GXYLT1: variants seen among roughly 807,000 people sequenced by gnomAD.
GXYLT1 encodes glucoside xylosyltransferase 1.
Under a neutral mutation model 54.0 loss-of-function variants are expected in GXYLT1, and 29 were observed. The observed-to-expected ratio is 0.54, with a 90% CI of 0.40 to 0.73. The LOEUF is 0.73. Among genes scored for constraint, GXYLT1 ranks in the 30% least tolerant of loss-of-function variants. GXYLT1 has a pLI of 0.00. For missense variants in GXYLT1, 490 were observed against 553.4 expected, an observed-to-expected ratio of 0.89 and a Z score of 1.15; for synonymous variants, 176 against 204.1, an observed-to-expected ratio of 0.86 and a Z score of 1.17.
chr12:42,116,574 C>A lies in GXYLT1; in HGVS notation c.486+2426G>T, dbSNP rs10880249. On this transcript the variant is annotated intron_variant, in intron 3 of 7. Coordinates refer to ENST00000398675, the MANE Select transcript of GXYLT1 (RefSeq NM_173601.2). ...AGAGAAATGCAAATCAAAACCACAACGAGATACCATCTCACACCAGTTAGA... is the reference window on the plus strand; with the variant it reads ...AGAGAAATGCAAATCAAAACCACAAAGAGATACCATCTCACACCAGTTAGA... Among the ~76,000 whole-genome samples the A allele has an allele frequency of 4.8e-3, 736 of 152,202 alleles. 29 individuals are homozygous for A. In the East Asian group the frequency reaches 0.075, roughly 16 times the overall value.
chr12:42,133,631 A>G lies in GXYLT1; in HGVS notation c.222-3780T>C, dbSNP rs571378981. 3.3e-5 allele frequency among the ~76,000 whole-genome samples: 5 copies of G among 152,326 alleles called. No homozygotes were observed. In the East Asian group the frequency reaches 7.7e-4, roughly 23 times the overall value. Reference sequence around the variant, plus strand: ...GTTCCTCCCCAACTCACAGAAAACTAGCATCCGGTTCACAGTCCTCGTCTC... The same window carrying G: ...GTTCCTCCCCAACTCACAGAAAACTGGCATCCGGTTCACAGTCCTCGTCTC... On this transcript the variant is annotated intron_variant, in intron 1 of 7. Coordinates refer to ENST00000398675, the MANE Select transcript of GXYLT1 (RefSeq NM_173601.2).
chr12:42,136,391 A>T (rs2136920058), intron 1 of GXYLT1, among the ~76,000 whole-genome samples: 1 of 152,360 alleles, frequency 6.6e-6, no homozygotes, highest in East Asian at 1.9e-4. Flanking sequence ...TCTATTAAAT[A>T]ATTTTAATGA....
chr12:42,106,869 CTGAG>C (rs1287092308), intron 4 of GXYLT1, among the ~76,000 whole-genome samples: 2 of 151,492 alleles, frequency 1.3e-5, no homozygotes, highest in Non-Finnish European at 2.9e-5. Context: ...CCTCAGCCTC[CTGAG>C]TAACTGGGAT....
chr12:42,137,762 G>GAAAAAAAA lies in GXYLT1; in HGVS notation c.221+6656_221+6663dup, dbSNP rs56387868. Among the ~76,000 whole-genome samples, 63 of 107,142 alleles carry GAAAAAAAA rather than the reference G, an allele frequency of 5.9e-4. 2 individuals are homozygous for GAAAAAAAA. The highest frequency in any genetic ancestry group is 1.1e-3 in the East Asian group (4 of 3,544). 70.3% of individuals were successfully genotyped at this position (107,142 alleles called of 152,430 possible). A position where few individuals can be genotyped will look rare whatever the true frequency, so the allele number is the denominator to read the frequency against. On this transcript the variant is annotated intron_variant, in intron 1 of 7. Coordinates refer to ENST00000398675, the MANE Select transcript of GXYLT1 (RefSeq NM_173601.2). The stretch of plus-strand genomic sequence containing the variant: ...ACAGAGCGAGACTCCATCTCAAATT[G>GAAAAAAAA]AAAAAAAAAAAAAAAAGTCAGTGAT...
intron 2 of GXYLT1, among the ~76,000 whole-genome samples, chr12:42,123,547 T>C (rs769303309): frequency 1.3e-5 from 2 of 152,222 alleles, no homozygotes; most frequent in East Asian, 3.9e-4. Flanking sequence ...TAGATGCAAA[T>C]ACTGTTAATA....
chr12:42,118,533 T>A (rs1015482973), intron 3 of GXYLT1, among the ~76,000 whole-genome samples: 1 of 152,234 alleles, frequency 6.6e-6, no homozygotes, highest in African/African-American at 2.4e-5. Flanking sequence ...AGGGCAGTGT[T>A]ACAGAATAAA....
chr12:42,090,414 T>C (rs544403854), intron 7 of GXYLT1, among the ~76,000 whole-genome samples: 10 of 152,340 alleles, frequency 6.6e-5, no homozygotes, highest in Non-Finnish European at 2.9e-5. Context: ...GCCTGACTTA[T>C]CCTTACCTTT....
intron 2 of GXYLT1, among the ~76,000 whole-genome samples, chr12:42,123,489 A>G (rs1185865335): frequency 6.6e-6 from 1 of 152,194 alleles, no homozygotes; most frequent in Non-Finnish European, 1.5e-5. Context: ...GTAAAAATTT[A>G]GGAGGTAGGG....
intron 4 of GXYLT1, among the ~76,000 whole-genome samples, chr12:42,108,888 G>GT (rs1242591618): frequency 1.3e-5 from 2 of 151,992 alleles, no homozygotes; most frequent in African/African-American, 2.4e-5. Flanking sequence ...CTGCAAAACT[G>GT]TAAGTATTTA....
At chr12:42,134,665 G>A (rs1409340364) in intron 1 of GXYLT1, among the ~76,000 whole-genome samples, 1 of 152,088 alleles carries the variant, frequency 6.6e-6, no homozygotes, top group Non-Finnish European at 1.5e-5. Context: ...TCCTATACCT[G>A]CAAACTTCCA....
In GXYLT1 at chr12:42,082,703, C is replaced by T. The variant is rs2065260722; in HGVS notation, c.*5083G>A. 1 of 152,204 alleles carries T rather than the reference C, an allele frequency of 6.6e-6. No homozygotes were observed. Among genetic ancestry groups the T allele is most frequent in the Admixed American group, 6.5e-5 (1 of 15,282 alleles). The allele number at this position is 152,204 out of a possible 1,614,324, so 9.4% of individuals were successfully genotyped here. ...CTTTGTCACCTAGGCTGGTCTCAAA[C>T]TCTTGGGCTCAAGCGATCCTCCTGC... On this transcript the variant is annotated 3_prime_UTR_variant, in exon 8 of 8. Coordinates refer to ENST00000398675, the MANE Select transcript of GXYLT1 (RefSeq NM_173601.2).
chr12:42,090,037 C>A (rs1156622262), intron 7 of GXYLT1, among the ~76,000 whole-genome samples: 3 of 151,914 alleles, frequency 2.0e-5, no homozygotes, highest in African/African-American at 7.3e-5. Flanking sequence ...GTATGTAGTA[C>A]TCGAGATTAA....
chr12:42,115,633 A>T (rs2065489388), intron 3 of GXYLT1, among the ~76,000 whole-genome samples: 1 of 152,054 alleles, frequency 6.6e-6, no homozygotes, highest in Admixed American at 6.6e-5. Flanking sequence ...ATAAAAGAGG[A>T]TACAAACAAA....
chr12:42,088,237 T>A (rs1171211723), intron 7 of GXYLT1, among the ~76,000 whole-genome samples: 1 of 151,932 alleles, frequency 6.6e-6, no homozygotes, highest in Non-Finnish European at 1.5e-5. Flanking sequence ...TACGAGTATC[T>A]CGGTGAAACT....
chr12:42,141,347 T>C (rs1033135926), intron 1 of GXYLT1, among the ~76,000 whole-genome samples: 1 of 152,224 alleles, frequency 6.6e-6, no homozygotes, highest in African/African-American at 2.4e-5. Flanking sequence ...ATCTGCAGTT[T>C]TTCCTTCATT....
In GXYLT1 at chr12:42,109,543, AGAC is replaced by A; in HGVS notation, c.612+20_612+22del. 1.4e-6 allele frequency: 2 copies of A among 1,417,808 alleles called. No homozygotes were observed. Among genetic ancestry groups the A allele is most frequent in the Non-Finnish European group, 1.8e-6 (2 of 1,084,148 alleles). The allele number at this position is 1,417,808 out of a possible 1,614,324, so 87.8% of individuals were successfully genotyped here. On this transcript the variant is annotated intron_variant, in intron 4 of 7. Transcript: ENST00000398675. The stretch of plus-strand genomic sequence containing the variant: ...AAATTTAAAAAAAAAAAAAAAAAAA[AGAC>A]ACTAGGGGAAAAAACTTACCGGCAA...
chr12:42,129,888 G>A (rs1362224521), intron 1 of GXYLT1, 37 bp from the exon 2 acceptor site: 5 of 1,394,826 alleles, frequency 3.6e-6, no homozygotes, highest in Non-Finnish European at 4.0e-6. Flanking sequence ...TCCTGTGTGA[G>A]TATTTTGGTT....
chr12:42,100,900 C>T (rs2065386013), intron 5 of GXYLT1, among the ~76,000 whole-genome samples: 1 of 151,574 alleles, frequency 6.6e-6, no homozygotes, highest in South Asian at 2.1e-4. Flanking sequence ...CACAGAAATA[C>T]AGATACATAT....
chr12:42,119,613 G>A (rs936812343), intron 2 of GXYLT1, among the ~76,000 whole-genome samples: 5 of 152,050 alleles, frequency 3.3e-5, no homozygotes, highest in African/African-American at 1.2e-4. Flanking sequence ...TTCAAGACCA[G>A]CCTAGGCAAC....
Sources: allele counts gnomAD v4.1 joint callset (sites outside exome capture counted in the v4.1 genomes callset), GRCh38; gene constraint gnomAD v4.1.1; transcripts MANE v1.5; gene names NCBI Gene and HGNC (gene_info 2026-07-23, HGNC 2026-07-21).